PARD3B: variants seen among roughly 807,000 people sequenced by gnomAD.
PARD3B encodes the protein par-3 family cell polarity regulator beta.
PARD3B carries 103 observed loss-of-function variants against 130.2 expected under a neutral mutation model. That is an observed-to-expected ratio of 0.79 (90% confidence interval 0.67 to 0.93). PARD3B has a LOEUF of 0.93. Ranked by LOEUF, PARD3B falls within the 40% of genes least tolerant of loss-of-function variation. The pLI is 0.00. For missense variants in PARD3B, 1,609 were observed against 1,499.2 expected, an observed-to-expected ratio of 1.07 and a Z score of -1.21; for synonymous variants, 583 against 553.2, an observed-to-expected ratio of 1.05 and a Z score of -0.76.
At chr2:204,735,765 G>C (rs1285165152) in intron 2 of PARD3B, among the ~76,000 whole-genome samples, 1 of 152,128 alleles carries the variant, frequency 6.6e-6, no homozygotes, top group Non-Finnish European at 1.5e-5. Context: ...TGACGAGACT[G>C]TTTTTATTCA....
chr2:204,954,992 A>C (rs1690114797), intron 2 of PARD3B, among the ~76,000 whole-genome samples: 1 of 152,204 alleles, frequency 6.6e-6, no homozygotes, highest in South Asian at 2.1e-4. Context: ...TTTACAAAAT[A>C]GGCTGCTCTA....
At chr2:205,411,515 T>C (rs2046597595) in intron 19 of PARD3B, among the ~76,000 whole-genome samples, 1 of 152,138 alleles carries the variant, frequency 6.6e-6, no homozygotes, top group Non-Finnish European at 1.5e-5. Context: ...TTGTGAAAAT[T>C]AAAAGCAATA....
intron 2 of PARD3B, among the ~76,000 whole-genome samples, chr2:204,960,689 C>G (rs930044032): frequency 2.6e-5 from 4 of 152,086 alleles, no homozygotes; most frequent in African/African-American, 9.7e-5. Flanking sequence ...CATTGAGCAC[C>G]TATGATGGCA....
At chr2:204,792,110 A>T (rs1250888470) in intron 2 of PARD3B, among the ~76,000 whole-genome samples, 2 of 152,214 alleles carry the variant, frequency 1.3e-5, no homozygotes, top group Non-Finnish European at 2.9e-5. Flanking sequence ...GAAACTTGAT[A>T]ATGAAAGTCA....
chr2:205,331,189 TACAA>T (rs970938544), intron 18 of PARD3B, among the ~76,000 whole-genome samples: 18 of 151,350 alleles, frequency 1.2e-4, no homozygotes, highest in Admixed American at 5.3e-4. Flanking sequence ...GGCACACACA[TACAA>T]ACACACACAC....
chr2:204,751,751 A>G (rs1559115718), intron 2 of PARD3B, among the ~76,000 whole-genome samples: 1 of 152,220 alleles, frequency 6.6e-6, no homozygotes, highest in African/African-American at 2.4e-5. Context: ...AGAAACTGTC[A>G]TGGATGTAGT....
chr2:205,049,709 G>A (rs376296765), intron 4 of PARD3B, among the ~76,000 whole-genome samples: 143 of 152,218 alleles, frequency 9.4e-4, no homozygotes, highest in African/African-American at 3.2e-3. Flanking sequence ...TTGGGGTATG[G>A]GGCAGAAAGA....
At chr2:204,547,180 A>G (rs2030038775) in intron 1 of PARD3B, among the ~76,000 whole-genome samples, 1 of 152,238 alleles carries the variant, frequency 6.6e-6, no homozygotes, top group Admixed American at 6.5e-5. Context: ...TCGGTTATCC[A>G]AAGCATAAAA....
At chr2:204,575,925 C>G (rs1442478691) in intron 1 of PARD3B, among the ~76,000 whole-genome samples, 1 of 152,144 alleles carries the variant, frequency 6.6e-6, no homozygotes, top group Non-Finnish European at 1.5e-5. Context: ...GGTTCTTGCC[C>G]TTGCTATGGG....
At chr2:205,540,538 T>C (rs1278804655) in intron 21 of PARD3B, among the ~76,000 whole-genome samples, 1 of 152,170 alleles carries the variant, frequency 6.6e-6, no homozygotes, top group African/African-American at 2.4e-5. Flanking sequence ...CGGACAGGTT[T>C]TTGAGACTGA....
chr2:204,586,146 G>A (rs2032813596), intron 1 of PARD3B, among the ~76,000 whole-genome samples: 1 of 152,160 alleles, frequency 6.6e-6, no homozygotes, highest in Admixed American at 6.5e-5. Context: ...GTCATAAAGG[G>A]AGCTTTATTA....
chr2:205,295,410 A>G (rs1044909858), intron 16 of PARD3B, among the ~76,000 whole-genome samples: 1 of 152,200 alleles, frequency 6.6e-6, no homozygotes, highest in African/African-American at 2.4e-5. Flanking sequence ...CTAATTTATG[A>G]TGGGAAACAA....
chr2:205,244,696 C>G lies in PARD3B; in HGVS notation c.2141-1082C>G, dbSNP rs2039495802. 6.6e-6 allele frequency among the ~76,000 whole-genome samples: 1 copy of G among 152,032 alleles called. No homozygotes were observed. The highest frequency in any genetic ancestry group is 2.1e-4 in the South Asian group (1 of 4,812). ...ACACATTTTTTTTTTCAAAAAACTACTATAGGGCGACCCATGTTATCTAAT... is the reference window on the plus strand; with the variant it reads ...ACACATTTTTTTTTTCAAAAAACTAGTATAGGGCGACCCATGTTATCTAAT... On this transcript the variant is annotated intron_variant, in intron 15 of 22. Coordinates refer to ENST00000406610, the MANE Select transcript of PARD3B (RefSeq NM_001302769.2). The surrounding 1 kb of genome is among the most constrained non-coding windows in gnomAD (Gnocchi z 4.7).
chr2:205,108,147 G>A (rs185565139), intron 5 of PARD3B, among the ~76,000 whole-genome samples: 3 of 152,082 alleles, frequency 2.0e-5, no homozygotes, highest in African/African-American at 7.2e-5. Flanking sequence ...CTTTATTCCT[G>A]TAATCATTGC....
At chr2:205,531,174 T>C (rs2051575170) in intron 21 of PARD3B, among the ~76,000 whole-genome samples, 1 of 152,162 alleles carries the variant, frequency 6.6e-6, no homozygotes, top group East Asian at 1.9e-4. Flanking sequence ...TACTAATTAG[T>C]CTTTCCACTT....
intron 18 of PARD3B, among the ~76,000 whole-genome samples, chr2:205,327,357 T>C (rs986929091): frequency 2.0e-5 from 3 of 152,234 alleles, no homozygotes; most frequent in African/African-American, 4.8e-5. Context: ...TGCTGGTCTT[T>C]GGTACATTAT....
chr2:205,207,013 C>T (rs2037355010), intron 15 of PARD3B, among the ~76,000 whole-genome samples: 1 of 146,308 alleles, frequency 6.8e-6, no homozygotes, highest in Admixed American at 6.7e-5. Context: ...TTATAACAAA[C>T]TATCTCTCAG....
chr2:205,336,245 G>T lies in PARD3B; in HGVS notation c.2630+34544G>T, dbSNP rs35977227. Among the ~76,000 whole-genome samples, 858 of 152,286 alleles carry T rather than the reference G, an allele frequency of 5.6e-3. 4 individuals are homozygous for T. Among genetic ancestry groups the T allele is most frequent in the Non-Finnish European group, 8.9e-3 (603 of 68,026 alleles). ...TGAGTGAGAATATATGTGATATCAG[G>T]ATTGTGATTATCATACCATTTGACC... On this transcript the variant is annotated intron_variant, in intron 18 of 22. Transcript: ENST00000406610.
At chr2:204,923,736 A>T (rs1251428395) in intron 2 of PARD3B, among the ~76,000 whole-genome samples, 1 of 152,040 alleles carries the variant, frequency 6.6e-6, no homozygotes, top group Non-Finnish European at 1.5e-5. Context: ...ATATGACACC[A>T]CTGATGCTAA....
Sources: gnomAD v4.1 joint callset for allele counts (sites outside exome capture counted in the v4.1 genomes callset) on GRCh38, gnomAD v4.1.1 for gene constraint, Gnocchi (gnomAD v3.1) non-coding constraint, MANE v1.5 for transcripts, NCBI Gene and HGNC (gene_info 2026-07-23, HGNC 2026-07-21) for gene names.